The following ALPL variants were observed in gnomAD, a reference collection of about 807,000 sequenced individuals.
ALPL encodes the protein alkaline phosphatase, biomineralization associated.
Under a neutral mutation model 51.3 loss-of-function variants are expected in ALPL, and 42 were observed. The ratio of observed to expected loss-of-function variants is 0.82; its 90% CI spans 0.64 to 1.06. ALPL has a LOEUF of 1.06. ALPL is among the 50% of genes least tolerant of loss of function. The pLI is 0.00. For synonymous variants in ALPL, 279 were observed against 296.4 expected (o/e 0.94, Z 0.60); for missense variants, 589 against 709.4 (o/e 0.83, Z 1.93).
intron 1 of ALPL, among the ~76,000 whole-genome samples, chr1:21,549,627 C>T (rs1448951537): frequency 6.6e-6 from 1 of 152,036 alleles, no homozygotes; most frequent in Non-Finnish European, 1.5e-5. Flanking sequence ...GTGCACACCA[C>T]CATGCCCAGC....
chr1:21,513,054 C>T (rs1260527893), intron 1 of ALPL, among the ~76,000 whole-genome samples: 1 of 150,974 alleles, frequency 6.6e-6, no homozygotes, highest in African/African-American at 2.4e-5. Context: ...GTGGACTCGC[C>T]CTCTCTATTA....
chr1:21,577,370 C>A lies in ALPL; in HGVS notation c.1310-13C>A. On this transcript the variant is annotated splice_polypyrimidine_tract_variant and intron_variant, in intron 11 of 11. Transcript: ENST00000374840. ...CTGGCAGGCTCTCAGCAGGTGTTTCCCCTGGCCCACAGCTCACAACAACTA... is the reference window on the plus strand; with the variant it reads ...CTGGCAGGCTCTCAGCAGGTGTTTCACCTGGCCCACAGCTCACAACAACTA... 1 of 1,613,206 alleles carries A rather than the reference C, an allele frequency of 6.2e-7. No individual in the cohort carries two copies.
At chr1:21,547,970 T>C (rs1037449339) in intron 1 of ALPL, among the ~76,000 whole-genome samples, 2 of 152,126 alleles carry the variant, frequency 1.3e-5, no homozygotes, top group African/African-American at 4.8e-5. Flanking sequence ...TCCTCAGAGC[T>C]AAGGCCTGCC....
intron 1 of ALPL, among the ~76,000 whole-genome samples, chr1:21,514,362 T>C (rs566614054): frequency 2.0e-5 from 3 of 152,290 alleles, no homozygotes; most frequent in African/African-American, 4.8e-5. Flanking sequence ...GCCCTGTGCA[T>C]TGGTGCGCCA....
chr1:21,509,382 C>T (rs1275133539), upstream of ALPL: 5 of 150,446 alleles, frequency 3.3e-5, no homozygotes, highest in Non-Finnish European at 7.4e-5. This position sits in a 1 kb window ranked among gnomAD's most constrained non-coding sequence, Gnocchi z 6.0. Context: ...TCACTCGGGC[C>T]CCGCGGCCGC....
In ALPL at chr1:21,560,653, G is replaced by A. The variant is rs753550135; in HGVS notation, c.89G>A (p.Arg30Gln). 8.1e-6 allele frequency: 13 copies of A among 1,613,976 alleles called. No individual in the cohort carries two copies. Among genetic ancestry groups the A allele is most frequent in the South Asian group, 7.7e-5 (7 of 91,082 alleles). ...AAAGAGAAAGACCCCAAGTACTGGC[G>A]AGACCAAGCGCAAGAGACACTGAAA... ...PEKEKDPKYW[R>Q]DQAQETLKYA... Residue 30 changes from arginine to glutamine, a missense_variant, in exon 3 of 12, where the codon CGA becomes CAA. Coordinates refer to ENST00000374840, the MANE Select transcript of ALPL (RefSeq NM_000478.6).
chr1:21,524,044 C>T (rs912431200), intron 1 of ALPL, among the ~76,000 whole-genome samples: 2 of 141,148 alleles, frequency 1.4e-5, no homozygotes, highest in African/African-American at 5.4e-5. Context: ...CGCTCTGTCG[C>T]CCAGGCTGGA....
At chr1:21,530,946 C>A in intron 1 of ALPL, among the ~76,000 whole-genome samples, 1 of 133,870 alleles carries the variant, frequency 7.5e-6, no homozygotes, top group Non-Finnish European at 1.6e-5. Context: ...ACATCCAGAT[C>A]ATTTTTGATT....
At chr1:21,563,015 C>T (rs190109258) in intron 4 of ALPL, 95 bp from the exon 5 acceptor site, 3 of 1,539,492 alleles carry the variant, frequency 1.9e-6, no homozygotes, top group East Asian at 4.5e-5. Flanking sequence ...TCTCTGGTCC[C>T]TCACGCCCCA....
intron 1 of ALPL, among the ~76,000 whole-genome samples, chr1:21,550,269 G>C (rs748625540): frequency 6.6e-6 from 1 of 152,184 alleles, no homozygotes; most frequent in Admixed American, 6.5e-5. Context: ...CCTCCCTCTG[G>C]AGGGGGTGAC....
chr1:21,550,768 C>T (rs969191773), intron 1 of ALPL, among the ~76,000 whole-genome samples: 6 of 152,138 alleles, frequency 3.9e-5, no homozygotes, highest in Non-Finnish European at 7.3e-5. Flanking sequence ...TACTTTCTGT[C>T]ATCGGAATCA....
intron 1 of ALPL, among the ~76,000 whole-genome samples, chr1:21,547,790 G>A (rs996936047): frequency 2.0e-5 from 3 of 152,254 alleles, no homozygotes; most frequent in Non-Finnish European, 4.4e-5. Flanking sequence ...TGAGATCAGG[G>A]ATGTAAACAG....
intron 8 of ALPL, 112 bp from the exon 9 acceptor site, chr1:21,573,553 C>G: frequency 7.2e-7 from 1 of 1,382,808 alleles, no homozygotes; most frequent in Non-Finnish European, 1.0e-6. Context: ...CATACTCTAC[C>G]CCAAGCTGGC....
chr1:21,564,430 G>A lies in ALPL; in HGVS notation c.648+214G>A, dbSNP rs544487325. On this transcript the variant is annotated intron_variant, in intron 6 of 11. Coordinates refer to ENST00000374840, the MANE Select transcript of ALPL (RefSeq NM_000478.6). This position sits in a 1 kb window ranked among gnomAD's most constrained non-coding sequence, Gnocchi z 5.8. ...CTGCGGGGTGAACCCTCATGTGACC[G>A]CCACCACACCCCAAGAACCAGGCAT... 1.4e-3 allele frequency among the ~76,000 whole-genome samples: 219 copies of A among 152,260 alleles called. No individual in the cohort carries two copies. The highest frequency in any genetic ancestry group is 2.4e-3 in the Non-Finnish European group (161 of 68,014).
intron 10 of ALPL, 107 bp from the exon 11 acceptor site, chr1:21,576,415 A>C (rs1644737727): frequency 6.8e-7 from 1 of 1,479,202 alleles, no homozygotes. Context: ...AGGGCCCTTC[A>C]AAGAAGATCC....
intron 1 of ALPL, among the ~76,000 whole-genome samples, chr1:21,524,981 G>T (rs1643923443): frequency 6.6e-6 from 1 of 152,220 alleles, no homozygotes; most frequent in Non-Finnish European, 1.5e-5. Context: ...ATTGGTCCAG[G>T]CCTCACTCCA....
chr1:21,530,691 G>A (rs906854549), intron 1 of ALPL, among the ~76,000 whole-genome samples: 2 of 152,108 alleles, frequency 1.3e-5, no homozygotes, highest in African/African-American at 4.8e-5. Context: ...GGAAGGGGTG[G>A]TGGAGTGACT....
intron 7 of ALPL, among the ~76,000 whole-genome samples, chr1:21,569,485 G>A (rs1432235868): frequency 2.0e-5 from 3 of 152,052 alleles, no homozygotes; most frequent in Non-Finnish European, 4.4e-5. Flanking sequence ...TGTGTGCCTC[G>A]GTGCCCTCAT....
chr1:21,574,992 G>A (rs947772826), intron 9 of ALPL, among the ~76,000 whole-genome samples: 3 of 152,230 alleles, frequency 2.0e-5, no homozygotes, highest in Non-Finnish European at 4.4e-5. Flanking sequence ...CAGAGCCCTC[G>A]GCTGCTGGGC....
Sources: allele counts gnomAD v4.1 joint callset (sites outside exome capture counted in the v4.1 genomes callset), GRCh38; gene constraint gnomAD v4.1.1; non-coding constraint Gnocchi (gnomAD v3.1); transcripts MANE v1.5; gene names NCBI Gene and HGNC (gene_info 2026-07-23, HGNC 2026-07-21).